Variants in SIK3 observed in about 807,000 individuals in gnomAD.
SIK3 encodes the protein serine/threonine-protein kinase SIK3.
In SIK3, 28 loss-of-function variants were observed where a neutral mutation model predicts 144.2. The observed-to-expected ratio is 0.19, with a 90% CI of 0.14 to 0.27. The LOEUF is 0.27. SIK3 is among the 10% of genes least tolerant of loss of function. The pLI is 1.00. For missense variants in SIK3, 1,319 were observed against 1,776.0 expected (o/e 0.74, Z 4.62); for synonymous variants, 686 against 676.3 (o/e 1.01, Z -0.22).
intron 1 of SIK3, among the ~76,000 whole-genome samples, chr11:117,008,075 C>CAAAAAAAAAA (rs59486431): frequency 7.3e-5 from 4 of 54,666 alleles, no homozygotes; most frequent in Admixed American, 3.0e-4. Flanking sequence ...GACTCCATCT[C>CAAAAAAAAAA]AAAAAAAAAA....
In SIK3 at chr11:116,858,767, C is replaced by T. The variant is rs1382120115; in HGVS notation, c.2766-68G>A. The T allele has an allele frequency of 6.6e-7, 1 of 1,509,350 alleles. No individual in the cohort carries two copies. The highest frequency in any genetic ancestry group is 1.4e-5 in the African/African-American group (1 of 71,682). 93.5% of individuals were successfully genotyped at this position (1,509,350 alleles called of 1,614,324 possible). ...ACTAGACTTCCTGGGAACAGCTCCT[C>T]CTCCTCAGTAGGGAGAACCCACTGG... On this transcript the variant is annotated intron_variant, in intron 20 of 24. Transcript: ENST00000445177. This position sits in a 1 kb window ranked among gnomAD's most constrained non-coding sequence, Gnocchi z 5.4.
At chr11:116,962,002 C>A (rs10892051) in intron 1 of SIK3, among the ~76,000 whole-genome samples, 11,038 of 152,152 alleles carry the variant, frequency 0.073, 491 homozygotes, top group Middle Eastern at 0.11. Context: ...AAACACAGTT[C>A]TTTTTAACTC....
Position 116,909,379 on chromosome 11 carries a change from AT to A in SIK3, c.617-12063del, listed in dbSNP as rs1294767885. On this transcript the variant is annotated intron_variant, in intron 4 of 24. Transcript: ENST00000445177. Reference sequence around the variant, plus strand: ...TGATTAACACAAAAGTACAAAAAAAATTTTTTTTCTCTTGGGGGAAGGATAT... The same window carrying A: ...TGATTAACACAAAAGTACAAAAAAAATTTTTTTCTCTTGGGGGAAGGATAT... Among the ~76,000 whole-genome samples, 6 of 151,788 alleles carry A rather than the reference AT, an allele frequency of 4.0e-5. No individual in the cohort carries two copies. The East Asian group carries it at 5.8e-4, about 15-fold the overall frequency.
intron 1 of SIK3, among the ~76,000 whole-genome samples, chr11:117,024,316 T>G (rs1951920886): frequency 7.3e-6 from 1 of 136,078 alleles, no homozygotes; most frequent in African/African-American, 3.3e-5. Flanking sequence ...TACACAGTCT[T>G]TAAAAAAAAA....
intron 1 of SIK3, among the ~76,000 whole-genome samples, chr11:117,001,212 A>G (rs1046706761): frequency 6.6e-5 from 10 of 152,222 alleles, no homozygotes; most frequent in Non-Finnish European, 2.9e-5. Flanking sequence ...CAATGTATAA[A>G]AAGTAATCTG....
Position 116,849,057 on chromosome 11 carries a change from T to C in SIK3, c.3819+63A>G. On this transcript the variant is annotated intron_variant, in intron 22 of 24. Coordinates refer to ENST00000445177, the MANE Select transcript of SIK3 (RefSeq NM_001366686.3). This position sits in a 1 kb window ranked among gnomAD's most constrained non-coding sequence, Gnocchi z 4.2. ...CAAGAGAGGCTACCCCACATCACTA[T>C]ACTCTGTTTCAAGGCTGGGACTGGG... The C allele has an allele frequency of 6.6e-7, 1 of 1,519,492 alleles. No individual in the cohort carries two copies. Among genetic ancestry groups the C allele is most frequent in the Non-Finnish European group, 8.9e-7 (1 of 1,127,962 alleles). The allele number at this position is 1,519,492 out of a possible 1,614,324, so 94.1% of individuals were successfully genotyped here. A position where few individuals can be genotyped will look rare whatever the true frequency, so the allele number is the denominator to read the frequency against.
intron 2 of SIK3, among the ~76,000 whole-genome samples, chr11:116,954,814 G>A (rs1445422975): frequency 6.6e-6 from 1 of 152,108 alleles, no homozygotes; most frequent in Non-Finnish European, 1.5e-5. Flanking sequence ...AAAGACCAAA[G>A]GCTTTCCTCT....
intron 1 of SIK3, among the ~76,000 whole-genome samples, chr11:117,003,618 C>T (rs1441777942): frequency 6.6e-6 from 1 of 152,070 alleles, no homozygotes; most frequent in Non-Finnish European, 1.5e-5. Flanking sequence ...AAGCGAGACC[C>T]CAACTCTATT....
intron 4 of SIK3, among the ~76,000 whole-genome samples, chr11:116,909,917 T>A (rs1946250050): frequency 6.6e-6 from 1 of 152,194 alleles, no homozygotes; most frequent in South Asian, 2.1e-4. Context: ...AATAGCAATT[T>A]TCATATATGA....
chr11:117,012,790 T>C (rs1260453124), intron 1 of SIK3, among the ~76,000 whole-genome samples: 3 of 151,602 alleles, frequency 2.0e-5, no homozygotes, highest in African/African-American at 7.3e-5. Flanking sequence ...ACAAATACTA[T>C]ATTTTCACTG....
chr11:116,982,966 AAAAT>A (rs1591476831), intron 1 of SIK3, among the ~76,000 whole-genome samples: 1 of 142,784 alleles, frequency 7.0e-6, no homozygotes. Context: ...AAAAAAAAAA[AAAAT>A]TTCTGACCCG....
chr11:116,876,409 A>C, intron 7 of SIK3, 46 bp from the exon 8 acceptor site: 2 of 1,443,968 alleles, frequency 1.4e-6, no homozygotes, highest in Non-Finnish European at 1.9e-6. Context: ...AATTAACCAC[A>C]TCAAATGTGG....
At chr11:116,855,370 A>G (rs1231723846) in intron 21 of SIK3, 1 of 152,148 alleles carries the variant, frequency 6.6e-6, no homozygotes, top group Non-Finnish European at 1.5e-5. Flanking sequence ...TGTTCCTTGG[A>G]TTGAAGTAAT....
chr11:116,876,865 G>A, intron 7 of SIK3, 59 bp downstream of exon 7: 2 of 1,382,868 alleles, frequency 1.4e-6, no homozygotes, highest in South Asian at 2.3e-5. Flanking sequence ...ACAATCACAT[G>A]CAAAGGAGGC....
At chr11:116,874,232 T>G (rs1944124037) in intron 11 of SIK3, among the ~76,000 whole-genome samples, 176 bp from the exon 12 acceptor site, 1 of 152,246 alleles carries the variant, frequency 6.6e-6, no homozygotes, top group African/African-American at 2.4e-5. Context: ...GGAATTTAAC[T>G]CTCTGCTCCT....
chr11:116,935,432 T>C (rs1374528272), intron 3 of SIK3, among the ~76,000 whole-genome samples: 1 of 152,202 alleles, frequency 6.6e-6, no homozygotes, highest in Non-Finnish European at 1.5e-5. Flanking sequence ...ACTTTTTAAG[T>C]TGTCTTCATA....
Position 117,098,207 on chromosome 11 carries a change from C to T in SIK3, c.209G>A (p.Arg70His). The change falls in exon 1 of 25, where the codon CGC becomes CAC. Residue 70 changes from arginine (R) to histidine (H), a missense_variant. By Grantham distance (29) the Arg-to-His change is conservative. This residue lies in a region of SIK3 where 114 missense variants were observed against 116.2 expected (regional missense o/e 0.98). Coordinates refer to ENST00000445177, the MANE Select transcript of SIK3 (RefSeq NM_001366686.3). The part of the protein sequence containing the change: ...PARIGYYEID[R>H]TIGKGNFAVV... ...CGCGAAGTTGCCCTTGCCGATGGTG[C>T]GGTCGATCTCGTAGTAGCCGATACG... is the stretch of plus-strand genomic sequence containing the variant. 5 of 1,517,954 alleles carry T rather than the reference C, an allele frequency of 3.3e-6. No homozygotes were observed. The highest frequency in any genetic ancestry group is 4.4e-6 in the Non-Finnish European group (5 of 1,133,256). The allele number at this position is 1,517,954 out of a possible 1,614,324, so 94.0% of individuals were successfully genotyped here.
At chr11:116,959,631 G>GTCATATA (rs1949270427) in intron 1 of SIK3, among the ~76,000 whole-genome samples, 1 of 152,012 alleles carries the variant, frequency 6.6e-6, no homozygotes, top group Non-Finnish European at 1.5e-5. Flanking sequence ...CATATAGTGG[G>GTCATATA]GCCTCCCTGA....
chr11:116,914,140 G>T (rs1946487975), intron 4 of SIK3, among the ~76,000 whole-genome samples: 1 of 149,642 alleles, frequency 6.7e-6, no homozygotes, highest in Non-Finnish European at 1.5e-5. Flanking sequence ...GCAGACATCT[G>T]AAAAGTAACC....
Sources: gnomAD v4.1 joint callset for allele counts (sites outside exome capture counted in the v4.1 genomes callset) on GRCh38, gnomAD v4.1.1 for gene constraint, gnomAD v4.1.1 regional missense constraint, Gnocchi (gnomAD v3.1) non-coding constraint, MANE v1.5 for transcripts, NCBI Gene and HGNC (gene_info 2026-07-23, HGNC 2026-07-21) for gene names.